USH2A: variants seen among roughly 807,000 people sequenced by gnomAD.
The protein encoded by USH2A is usherin.
A neutral mutation model predicts 538.9 loss-of-function variants in USH2A; 443 were observed. The ratio of observed to expected loss-of-function variants is 0.82; its 90% confidence interval spans 0.76 to 0.89. The LOEUF (loss-of-function observed/expected upper bound fraction) is 0.89. USH2A is among the 40% of genes least tolerant of loss of function. USH2A has a pLI of 0.00. For missense variants in USH2A, 6,633 were observed against 6,324.8 expected (o/e 1.05, Z -1.65); for synonymous variants, 2,413 against 2,273.5 (o/e 1.06, Z -1.75).
Position 216,000,502 on chromosome 1 carries a change from G to C in USH2A, c.6386C>G (p.Thr2129Arg). 1 of 1,613,700 alleles carries C rather than the reference G, an allele frequency of 6.2e-7. No individual in the cohort carries two copies. The highest frequency in any genetic ancestry group is 8.5e-7 in the Non-Finnish European group (1 of 1,179,720). ...GTACAGTAGGACCCAGGAACTGTTT[G>C]TACAGCCCACATGTGTGCATGCACT... ...LLSACTHVGCTNSSWVLLYTA... is the reference protein window; with the variant it reads ...LLSACTHVGCRNSSWVLLYTA... Residue 2129 changes from threonine to arginine, a missense_variant, in exon 33 of 72, where the codon ACA becomes AGA. Physicochemically the swap from Thr to Arg is moderately conservative, Grantham distance 71. Coordinates refer to ENST00000307340, the MANE Select transcript of USH2A (RefSeq NM_206933.4).
chr1:215,928,580 C>T (rs1442352193), intron 38 of USH2A, among the ~76,000 whole-genome samples: 2 of 152,032 alleles, frequency 1.3e-5, no homozygotes, highest in African/African-American at 4.8e-5. Flanking sequence ...AGCATACATG[C>T]TTTTTGACTT....
chr1:215,763,321 G>T (rs1661033326), intron 56 of USH2A, among the ~76,000 whole-genome samples: 1 of 152,156 alleles, frequency 6.6e-6, no homozygotes, highest in Non-Finnish European at 1.5e-5. Context: ...ACTTAGAAAG[G>T]GTAACCTGAC....
intron 51 of USH2A, among the ~76,000 whole-genome samples, chr1:215,788,921 C>CAAAAA (rs1661888952): frequency 1.0e-5 from 1 of 97,506 alleles, no homozygotes; most frequent in African/African-American, 3.5e-5. Flanking sequence ...GAATCCAAAA[C>CAAAAA]AAAACAAAAC....
At chr1:215,949,171 T>A (rs572081479) in intron 37 of USH2A, among the ~76,000 whole-genome samples, 2 of 152,138 alleles carry the variant, frequency 1.3e-5, no homozygotes, top group Non-Finnish European at 2.9e-5. Flanking sequence ...AGAGATTTTT[T>A]AAATATTATA....
At chr1:216,067,158 G>C (rs1490031472) in intron 30 of USH2A, among the ~76,000 whole-genome samples, 3 of 152,090 alleles carry the variant, frequency 2.0e-5, no homozygotes, top group Non-Finnish European at 4.4e-5. Context: ...AACTAACACA[G>C]GAACAGAAAA....
At chr1:215,816,704 G>A (rs2102795996) in intron 48 of USH2A, among the ~76,000 whole-genome samples, 1 of 152,138 alleles carries the variant, frequency 6.6e-6, no homozygotes, top group East Asian at 1.9e-4. Context: ...CCTATTTGTA[G>A]CTGAAAAGAT....
chr1:215,872,857 G>T (rs548775489), intron 43 of USH2A, among the ~76,000 whole-genome samples: 65 of 151,870 alleles, frequency 4.3e-4, no homozygotes, highest in African/African-American at 9.7e-4. Flanking sequence ...TCCTCCCAGC[G>T]CCCTCTTGCT....
intron 44 of USH2A, among the ~76,000 whole-genome samples, chr1:215,855,246 A>T (rs1471719724): frequency 6.6e-6 from 1 of 152,154 alleles, no homozygotes; most frequent in Non-Finnish European, 1.5e-5. Context: ...CATTTGGATG[A>T]CTAAAGAGTC....
intron 38 of USH2A, among the ~76,000 whole-genome samples, chr1:215,911,967 T>C (rs1238919662): frequency 1.3e-5 from 2 of 152,140 alleles, no homozygotes; most frequent in Admixed American, 1.3e-4. Flanking sequence ...TAATTGATGA[T>C]GCTGAGCACC....
intron 3 of USH2A, among the ~76,000 whole-genome samples, chr1:216,414,932 A>T (rs772715797): frequency 2.0e-5 from 3 of 152,186 alleles, no homozygotes; most frequent in African/African-American, 7.2e-5. Flanking sequence ...TTATATAATC[A>T]TGCAACAGTA....
chr1:215,759,900 A>G, intron 56 of USH2A, 57 bp from the exon 57 acceptor site: 1 of 1,600,852 alleles, frequency 6.2e-7, no homozygotes, highest in Non-Finnish European at 8.6e-7. Context: ...CAGTGTATCA[A>G]AAGTCACACC....
chr1:216,361,135 T>A (rs771781136), intron 4 of USH2A, among the ~76,000 whole-genome samples: 33 of 152,208 alleles, frequency 2.2e-4, no homozygotes, highest in Middle Eastern at 6.8e-3. Context: ...CACGACAACG[T>A]TACCACTGCA....
intron 60 of USH2A, among the ~76,000 whole-genome samples, chr1:215,739,951 A>G (rs1660255317): frequency 6.6e-6 from 1 of 152,208 alleles, no homozygotes; most frequent in Non-Finnish European, 1.5e-5. Context: ...GGTGCGGGGT[A>G]TGAGGATCTG....
intron 37 of USH2A, among the ~76,000 whole-genome samples, chr1:215,946,457 G>C (rs922246562): frequency 6.6e-6 from 1 of 152,128 alleles, no homozygotes; most frequent in Non-Finnish European, 1.5e-5. Flanking sequence ...AAATAAAAAA[G>C]GAGATGATTT....
chr1:216,217,545 T>C lies in USH2A; in HGVS notation c.2999A>G (p.Gln1000Arg), dbSNP rs1486615749. Residue 1000 changes from glutamine to arginine, a missense_variant, in exon 15 of 72, where the codon CAG (glutamine) becomes CGG (arginine). By Grantham distance (43) the Gln-to-Arg change is conservative (BLOSUM62 1). Transcript: ENST00000307340. Reference protein sequence around the residue: ...FGFDPQTGRCQPCNCHLSGAL... With the variant: ...FGFDPQTGRCRPCNCHLSGAL... Reference sequence around the variant, plus strand: ...TCCTGAGAGATGACAATTACAAGGCTGACATCTGAAAACAAGGCAAATAAA... The same window carrying C: ...TCCTGAGAGATGACAATTACAAGGCCGACATCTGAAAACAAGGCAAATAAA... 3 of 1,612,818 alleles carry C rather than the reference T, an allele frequency of 1.9e-6. No individual in the cohort carries two copies. The highest frequency in any genetic ancestry group is 2.5e-6 in the Non-Finnish European group (3 of 1,179,254).
chr1:215,719,602 A>C (rs1440885240), intron 61 of USH2A, among the ~76,000 whole-genome samples: 1 of 152,148 alleles, frequency 6.6e-6, no homozygotes, highest in African/African-American at 2.4e-5. Flanking sequence ...CCTTATCTAC[A>C]TTTGCTAATT....
intron 11 of USH2A, among the ~76,000 whole-genome samples, chr1:216,258,063 C>G (rs1194111383): frequency 2.6e-5 from 4 of 152,022 alleles, no homozygotes; most frequent in East Asian, 1.9e-4. Context: ...GTTGTACTTT[C>G]CTGCTTCTTT....
chr1:215,848,317 T>C (rs530642362), intron 44 of USH2A, among the ~76,000 whole-genome samples: 1 of 152,326 alleles, frequency 6.6e-6, no homozygotes, highest in East Asian at 1.9e-4. Flanking sequence ...GATTATAAAG[T>C]CAAGCCCTAA....
rs772014718 is a variant in USH2A at position 215,965,469 on chromosome 1, C to T, written c.6968G>A (p.Arg2323Gln). The stretch of plus-strand genomic sequence containing the variant: ...TCCTTCAGGAGGAGCTTCTAGAGTT[C>T]GATTTTCCACCTGTGAGTATAAAAA... Reference protein sequence around the residue: ...GCALGPLVENRTLEAPPEGTV... With the variant: ...GCALGPLVENQTLEAPPEGTV... The change falls in exon 37 of 72, where the codon CGA (arginine) becomes CAA (glutamine). Residue 2323 changes from arginine (R) to glutamine (Q), a missense_variant. Physicochemically the swap from Arg to Gln is conservative, Grantham distance 43. Coordinates refer to ENST00000307340, the MANE Select transcript of USH2A (RefSeq NM_206933.4). 29 of 1,613,366 alleles carry T rather than the reference C, an allele frequency of 1.8e-5. No individual in the cohort carries two copies. Among genetic ancestry groups the T allele is most frequent in the East Asian group, 2.2e-5 (1 of 44,878 alleles).
Sources: gnomAD v4.1 joint callset for allele counts (sites outside exome capture counted in the v4.1 genomes callset) on GRCh38, gnomAD v4.1.1 for gene constraint, MANE v1.5 for transcripts, NCBI Gene and HGNC (gene_info 2026-07-23, HGNC 2026-07-21) for gene names.